The following EEFSEC variants were observed in gnomAD, a reference collection of about 807,000 sequenced individuals.
The protein encoded by EEFSEC is eukaryotic elongation factor, selenocysteine-tRNA specific, also known as selenocysteine-specific elongation factor.
In EEFSEC, 43 loss-of-function variants were observed where a neutral mutation model predicts 42.1. The ratio of observed to expected loss-of-function variants is 1.02; its 90% confidence interval spans 0.80 to 1.32. EEFSEC has a LOEUF of 1.32. Ranked by LOEUF, EEFSEC falls within the 40% of genes most tolerant of loss-of-function variation. The pLI is 0.00. For synonymous variants in EEFSEC, 354 were observed against 339.1 expected, an observed-to-expected ratio of 1.04 and a Z score of -0.48; for missense variants, 745 against 803.6, an observed-to-expected ratio of 0.93 and a Z score of 0.88.
chr3:128,255,561 G>A (rs1157511386), intron 2 of EEFSEC, among the ~76,000 whole-genome samples: 1 of 152,200 alleles, frequency 6.6e-6, no homozygotes, highest in Non-Finnish European at 1.5e-5. Context: ...TGTATTCATT[G>A]TGCACGTTCC....
intron 6 of EEFSEC, among the ~76,000 whole-genome samples, chr3:128,400,993 C>G (rs2068042244): frequency 6.6e-6 from 1 of 152,178 alleles, no homozygotes; most frequent in East Asian, 1.9e-4. Flanking sequence ...CCACTGCATC[C>G]TGGGGTTTGG....
the EEFSEC span, among the ~76,000 whole-genome samples, chr3:128,422,497 C>T: frequency 0.043 from 6,591 of 152,226 alleles, 472 homozygotes; most frequent in African/African-American, 0.15. Context: ...GTTGAGGTCC[C>T]GAGAGGAAGG....
At chr3:128,349,208 C>T (rs958928412) in intron 5 of EEFSEC, among the ~76,000 whole-genome samples, 1 of 151,918 alleles carries the variant, frequency 6.6e-6, no homozygotes, top group Non-Finnish European at 1.5e-5. Context: ...GGCCAGCCAT[C>T]GAAGCTAGGC....
At chr3:128,415,761 G>C in the EEFSEC span, among the ~76,000 whole-genome samples, 2 of 152,244 alleles carry the variant, frequency 1.3e-5, no homozygotes, top group South Asian at 4.1e-4. Context: ...CCACCCGAAG[G>C]ACAGTGCTGC....
At chr3:128,168,384 A>G (rs1252880707) in intron 1 of EEFSEC, among the ~76,000 whole-genome samples, 2 of 152,202 alleles carry the variant, frequency 1.3e-5, no homozygotes, top group Admixed American at 6.5e-5. Context: ...CTGGAGTGCC[A>G]GGTTGCTAAG....
chr3:128,216,621 G>A (rs74524364), intron 1 of EEFSEC, among the ~76,000 whole-genome samples: 2,261 of 152,318 alleles, frequency 0.015, 27 homozygotes, highest in Middle Eastern at 0.048. Context: ...ATGGCTGGCC[G>A]TACATGGGGT....
chr3:128,356,436 G>A (rs1309411711), intron 5 of EEFSEC, among the ~76,000 whole-genome samples: 1 of 152,176 alleles, frequency 6.6e-6, no homozygotes, highest in African/African-American at 2.4e-5. Flanking sequence ...GATTAAAGCT[G>A]CCTGGGTGGG....
At chr3:128,363,907 A>G (rs1489100358) in intron 6 of EEFSEC, among the ~76,000 whole-genome samples, 1 of 152,122 alleles carries the variant, frequency 6.6e-6, no homozygotes, top group Non-Finnish European at 1.5e-5. Flanking sequence ...GCTTCCCCAG[A>G]ACCTCAGCAA....
At chr3:128,176,981 G>GATTATT (rs71615969) in intron 1 of EEFSEC, among the ~76,000 whole-genome samples, 16,593 of 146,510 alleles carry the variant, frequency 0.11, 1,112 homozygotes, top group Admixed American at 0.18. Flanking sequence ...GAACATACTG[G>GATTATT]ATTATTATTA....
chr3:128,295,451 C>CTTTTTTTTTTTTTTTTTTT (rs201911929), intron 4 of EEFSEC, among the ~76,000 whole-genome samples: 1 of 63,984 alleles, frequency 1.6e-5, no homozygotes. Context: ...CTTCCCCCTA[C>CTTTTTTTTTTTTTTTTTTT]TTTTTTTTTT....
intron 1 of EEFSEC, among the ~76,000 whole-genome samples, chr3:128,242,237 T>G (rs1477090286): frequency 7.9e-5 from 12 of 152,050 alleles, no homozygotes; most frequent in Non-Finnish European, 2.9e-5. Flanking sequence ...GAGGATCGTT[T>G]GAGCCCAGGA....
At chr3:128,258,310 C>A (rs2066263573) in intron 2 of EEFSEC, among the ~76,000 whole-genome samples, 1 of 152,160 alleles carries the variant, frequency 6.6e-6, no homozygotes, top group Non-Finnish European at 1.5e-5. Context: ...TGCTGGAGGT[C>A]ATTCTGGGGA....
chr3:128,321,958 G>A (rs1467742451), intron 4 of EEFSEC, among the ~76,000 whole-genome samples: 2 of 152,210 alleles, frequency 1.3e-5, no homozygotes, highest in Non-Finnish European at 1.5e-5. Context: ...GCAGTGAGGG[G>A]AGAAGCAGTG....
At chr3:128,389,228 AC>A (rs2107621955) in intron 6 of EEFSEC, among the ~76,000 whole-genome samples, 1 of 152,322 alleles carries the variant, frequency 6.6e-6, no homozygotes, top group East Asian at 1.9e-4. Flanking sequence ...GCTGACACTC[AC>A]CCGAGGACAT....
At chr3:128,275,124 G>A (rs2066454723) in intron 4 of EEFSEC, among the ~76,000 whole-genome samples, 2 of 152,216 alleles carry the variant, frequency 1.3e-5, no homozygotes, top group Non-Finnish European at 2.9e-5. Context: ...GAGGGGTCTA[G>A]CAGTGACCTG....
chr3:128,307,183 C>T (rs2066837475), intron 4 of EEFSEC, among the ~76,000 whole-genome samples: 2 of 152,266 alleles, frequency 1.3e-5, no homozygotes, highest in South Asian at 4.1e-4. Context: ...CCAAGCTTTT[C>T]CCAAGGCTGG....
intron 1 of EEFSEC, among the ~76,000 whole-genome samples, chr3:128,232,932 C>G (rs1032755579): frequency 6.6e-6 from 1 of 152,232 alleles, no homozygotes; most frequent in Non-Finnish European, 1.5e-5. Flanking sequence ...AACCTCCACT[C>G]TTCGTGTGTC....
intron 6 of EEFSEC, among the ~76,000 whole-genome samples, chr3:128,403,789 T>TTCCTCCTCC (rs527752590): frequency 6.6e-6 from 1 of 152,016 alleles, no homozygotes; most frequent in Admixed American, 6.5e-5. Flanking sequence ...GGGTCCAGCA[T>TTCCTCCTCC]TCCTCCTCCT....
chr3:128,186,942 C>T (rs184705678), intron 1 of EEFSEC, among the ~76,000 whole-genome samples: 1 of 152,328 alleles, frequency 6.6e-6, no homozygotes, highest in African/African-American at 2.4e-5. Context: ...GCCTGTCTTC[C>T]TGTGTGAGCT....
Sources: gnomAD v4.1 joint callset for allele counts (sites outside exome capture counted in the v4.1 genomes callset) on GRCh38, gnomAD v4.1.1 for gene constraint, MANE v1.5 for transcripts, NCBI Gene and HGNC (gene_info 2026-07-23, HGNC 2026-07-21) for gene names.